Variants in CPXM2 observed in about 807,000 individuals in gnomAD.
CPXM2 encodes the protein carboxypeptidase X, M14 family member 2, also known as inactive carboxypeptidase-like protein X2.
A neutral mutation model predicts 86.1 loss-of-function variants in CPXM2; 66 were observed. That is an observed-to-expected ratio of 0.77 (90% CI 0.63 to 0.94). The LOEUF (loss-of-function observed/expected upper bound fraction) is 0.94, where lower values mean the gene tolerates loss of function less well. Among genes scored for constraint, CPXM2 ranks in the 40% least tolerant of loss-of-function variants. The probability of loss-of-function intolerance (pLI) is 0.00; values close to 1 mark genes in which losing one functional copy is unlikely to be tolerated. For missense variants in CPXM2, 948 were observed against 1,026.3 expected (o/e 0.92, Z 1.04); for synonymous variants, 388 against 400.2 (o/e 0.97, Z 0.36).
chr10:123,780,356 T>C (rs1028414223), intron 6 of CPXM2, 101 bp from the exon 7 acceptor site: 2 of 774,648 alleles, frequency 2.6e-6, no homozygotes, highest in Non-Finnish European at 4.4e-6. Flanking sequence ...TGCAGCCCAA[T>C]CTCTAGCTTC....
intron 2 of CPXM2, among the ~76,000 whole-genome samples, chr10:123,906,931 T>C (rs1231595087): frequency 1.3e-5 from 2 of 152,180 alleles, no homozygotes; most frequent in African/African-American, 4.8e-5. Context: ...GCTCTTGTCT[T>C]CTTCAGGTGA....
upstream of CPXM2, chr10:123,891,819 G>C (rs1945280305): frequency 7.4e-6 from 2 of 269,132 alleles, no homozygotes; most frequent in Non-Finnish European, 1.2e-5. This position sits in a 1 kb window ranked among gnomAD's most constrained non-coding sequence, Gnocchi z 5.6. Flanking sequence ...ACCGGCCCGC[G>C]GGGCTGGGCT....
In CPXM2 at chr10:123,762,092, G is replaced by A. The variant is rs761557894; in HGVS notation, c.1557C>T (p.Gly519=). The A allele has an allele frequency of 2.1e-5, 34 of 1,613,958 alleles. No individual in the cohort carries two copies. Among genetic ancestry groups the A allele is most frequent in the Middle Eastern group, 1.6e-4 (1 of 6,084 alleles). The change falls in exon 11 of 14, where the codon GGC becomes GGT. Residue 519 remains glycine, a synonymous_variant. Coordinates refer to ENST00000241305, the MANE Select transcript of CPXM2 (RefSeq NM_198148.3). The part of the protein sequence containing the change: ...PFVLGGNLQG[G]ELVVAYPYDL... Reference sequence around the variant, plus strand: ...CGTAGGGGTACGCCACCACCAGCTCGCCGCCCTGCAGGTTGCCGCCCAGCA... The same window carrying A: ...CGTAGGGGTACGCCACCACCAGCTCACCGCCCTGCAGGTTGCCGCCCAGCA...
chr10:123,840,153 A>G (rs1386451821), intron 4 of CPXM2, among the ~76,000 whole-genome samples: 1 of 152,244 alleles, frequency 6.6e-6, no homozygotes, highest in Non-Finnish European at 1.5e-5. Flanking sequence ...ATCCCCATGG[A>G]TAATCTCAAA....
chr10:123,782,586 G>A (rs1846959958), intron 6 of CPXM2, among the ~76,000 whole-genome samples: 1 of 152,118 alleles, frequency 6.6e-6, no homozygotes, highest in African/African-American at 2.4e-5. Flanking sequence ...ATTAGACAAA[G>A]TTTTATTGAG....
chr10:123,876,725 T>G (rs1944994263), intron 2 of CPXM2, among the ~76,000 whole-genome samples: 1 of 152,178 alleles, frequency 6.6e-6, no homozygotes, highest in Non-Finnish European at 1.5e-5. Context: ...TTTAAAGAAG[T>G]TTGCCAGCCC....
In CPXM2 at chr10:123,842,402, C is replaced by T. The variant is rs771825365; in HGVS notation, c.600G>A (p.Arg200=). Residue 200 remains arginine, a synonymous_variant, in exon 4 of 14, where the codon CGG becomes CGA. Coordinates refer to ENST00000241305, the MANE Select transcript of CPXM2 (RefSeq NM_198148.3). ...DLQQWIEVDA[R]RLTRFTGVIT... ...TGACACCAGTGAATCTGGTCAGGCG[C>T]CGAGCATCCACTTCAATCCACTGCT... The T allele has an allele frequency of 1.5e-5, 24 of 1,614,254 alleles. No individual in the cohort carries two copies. Among genetic ancestry groups the T allele is most frequent in the Non-Finnish European group, 1.9e-5 (22 of 1,180,052 alleles).
chr10:123,863,169 C>T (rs541078914), intron 2 of CPXM2, among the ~76,000 whole-genome samples: 1 of 152,312 alleles, frequency 6.6e-6, no homozygotes, highest in Admixed American at 6.5e-5. Flanking sequence ...ACATGGAGCA[C>T]AGCTAGTAAA....
At chr10:123,893,032 C>T (rs1208709842), upstream of CPXM2, among the ~76,000 whole-genome samples, 1 of 152,184 alleles carries the variant, frequency 6.6e-6, no homozygotes, top group Non-Finnish European at 1.5e-5. Flanking sequence ...ATGGGCCCAC[C>T]CAAAAAATTC....
Position 123,829,375 on chromosome 10 carries a change from A to AT in CPXM2, c.653+12973dup, listed in dbSNP as rs61384081. Among the ~76,000 whole-genome samples the AT allele has an allele frequency of 7.5e-3, 1,106 of 148,210 alleles. 7 individuals carry two copies. The highest frequency in any genetic ancestry group is 0.02 in the African/African-American group (831 of 40,762). ...TGTGTATAACCAACGTGGAAAAAAA[A>AT]TTTTTTTTTTTTTTGAGACAGAGTC... On this transcript the variant is annotated intron_variant, in intron 4 of 13. Transcript: ENST00000241305.
chr10:123,861,133 T>C (rs1590076193), intron 3 of CPXM2, among the ~76,000 whole-genome samples: 1 of 152,140 alleles, frequency 6.6e-6, no homozygotes, highest in South Asian at 2.1e-4. Context: ...CTAGCACATT[T>C]ACACAGACCG....
intron 4 of CPXM2, among the ~76,000 whole-genome samples, chr10:123,821,505 T>A (rs1847923855): frequency 6.6e-6 from 1 of 152,190 alleles, no homozygotes; most frequent in Non-Finnish European, 1.5e-5. Flanking sequence ...CTCAATATGC[T>A]CTTCTGAGCA....
At chr10:123,778,514 G>A (rs1357722704) in intron 7 of CPXM2, among the ~76,000 whole-genome samples, 1 of 152,170 alleles carries the variant, frequency 6.6e-6, no homozygotes, top group Non-Finnish European at 1.5e-5. Context: ...GTCCCTCTTG[G>A]CTCCAGTAGT....
At chr10:123,763,520 A>G (rs1846395915) in intron 10 of CPXM2, among the ~76,000 whole-genome samples, 1 of 151,344 alleles carries the variant, frequency 6.6e-6, no homozygotes. Flanking sequence ...CTCAAAATAT[A>G]TCGTTTGGGT....
At chr10:123,759,110 T>C (rs1846278373) in intron 11 of CPXM2, among the ~76,000 whole-genome samples, 1 of 152,066 alleles carries the variant, frequency 6.6e-6, no homozygotes, top group Non-Finnish European at 1.5e-5. Context: ...AGCAGTGGAA[T>C]AAAAAGGGTG....
chr10:123,757,215 G>T lies in CPXM2; in HGVS notation c.1915C>A (p.Gln639Lys). ...NRESLIVFME[Q>K]VHRGIKGLVR... ...CCAGCCACACACCCGCAATATACCT[G>T]CTCCATGAACACGATCAGAGATTCC... The change falls in exon 12 of 14, where the codon CAG becomes AAG. Residue 639 changes from glutamine (Q) to lysine (K), a missense_variant and splice_region_variant. Coordinates refer to ENST00000241305, the MANE Select transcript of CPXM2 (RefSeq NM_198148.3). 1 of 1,613,730 alleles carries T rather than the reference G, an allele frequency of 6.2e-7. No individual in the cohort carries two copies. The highest frequency in any genetic ancestry group is 8.5e-7 in the Non-Finnish European group (1 of 1,179,798).
intron 4 of CPXM2, among the ~76,000 whole-genome samples, chr10:123,814,682 T>G (rs1391479540): frequency 6.6e-6 from 1 of 152,174 alleles, no homozygotes; most frequent in Non-Finnish European, 1.5e-5. Flanking sequence ...ACTCTACTTC[T>G]AATAGTATGG....
rs555660888 is a variant in CPXM2, at chr10:123,793,986, C to CGGT, written c.889+3987_889+3989dup. Among the ~76,000 whole-genome samples, 820 of 152,328 alleles carry CGGT rather than the reference C, an allele frequency of 5.4e-3. 4 individuals carry two copies. Among genetic ancestry groups the CGGT allele is most frequent in the African/African-American group, 0.018 (752 of 41,576 alleles). On this transcript the variant is annotated intron_variant, in intron 6 of 13. Transcript: ENST00000241305. ...AAACATCACAGTTTAGCAAGACAGG[C>CGGT]GGTGGCCTTACAATTAAAATAGCTT...
At chr10:123,843,302 G>C (rs1291781293) in intron 3 of CPXM2, 10 of 455,288 alleles carry the variant, frequency 2.2e-5, no homozygotes, top group Non-Finnish European at 4.0e-5. Flanking sequence ...TTTTGCTCTG[G>C]AATTTTCTCT....
Sources: gnomAD v4.1 joint callset for allele counts (sites outside exome capture counted in the v4.1 genomes callset) on GRCh38, gnomAD v4.1.1 for gene constraint, Gnocchi (gnomAD v3.1) non-coding constraint, MANE v1.5 for transcripts, NCBI Gene and HGNC (gene_info 2026-07-23, HGNC 2026-07-21) for gene names.